The following DTL variants were observed in gnomAD, a reference collection of about 807,000 sequenced individuals.
The protein encoded by DTL is denticleless E3 ubiquitin protein ligase adapter, also known as denticleless protein homolog.
DTL carries 46 observed loss-of-function variants against 87.0 expected under a neutral mutation model. The observed-to-expected ratio is 0.53, with a 90% CI of 0.42 to 0.68. DTL has a LOEUF of 0.68. Ranked by LOEUF, DTL falls within the 30% of genes least tolerant of loss-of-function variation. The pLI is 0.00. For missense variants in DTL, 737 were observed against 869.4 expected (o/e 0.85, Z 1.91); for synonymous variants, 308 against 311.2 (o/e 0.99, Z 0.11).
At chr1:212,061,352 C>T (rs1654296899) in intron 5 of DTL, among the ~76,000 whole-genome samples, 1 of 151,884 alleles carries the variant, frequency 6.6e-6, no homozygotes, top group African/African-American at 2.4e-5. Context: ...TGACTAATAA[C>T]CACAGTGAGA....
At chr1:212,047,241 G>C (rs749260131) in intron 4 of DTL, 29 bp downstream of exon 4, 1 of 1,613,910 alleles carries the variant, frequency 6.2e-7, no homozygotes, top group African/African-American at 1.3e-5. Context: ...TTAGGATCTG[G>C]GTAAATACTG....
chr1:212,096,071 T>A (rs768958929), intron 13 of DTL, among the ~76,000 whole-genome samples: 3 of 128,088 alleles, frequency 2.3e-5, no homozygotes, highest in Non-Finnish European at 3.3e-5. Flanking sequence ...TGTTCAGAGT[T>A]CTTATTTCTT....
At chr1:212,102,774 C>G in intron 14 of DTL, 68 bp from the exon 15 acceptor site, 1 of 1,097,434 alleles carries the variant, frequency 9.1e-7, no homozygotes, top group Non-Finnish European at 1.4e-6. Flanking sequence ...TTAAGGTATG[C>G]CTTAGTAATA....
At position 212,046,481 on chromosome 1, in the gene DTL, C is replaced by G. The variant is rs530127100; in HGVS notation, c.278-670C>G. 2.7e-4 allele frequency among the ~76,000 whole-genome samples: 41 copies of G among 152,186 alleles called. 1 individual carries two copies. The South Asian group carries it at 4.8e-3, about 18-fold the overall frequency. On this transcript the variant is annotated intron_variant, in intron 3 of 14. Coordinates refer to ENST00000366991, the MANE Select transcript of DTL (RefSeq NM_016448.4). ...AAGAGGCCCCAGTGTGTGTTGTTCC[C>G]CTCCCTGTGTCCATGTGTTCTCGTT...
At chr1:212,064,318 C>CCCCA (rs1654427557) in intron 6 of DTL, among the ~76,000 whole-genome samples, 1 of 152,128 alleles carries the variant, frequency 6.6e-6, no homozygotes, top group Non-Finnish European at 1.5e-5. Flanking sequence ...CTGACAACAT[C>CCCCA]CTGTGCCTGA....
At chr1:212,046,242 C>T (rs1040229794) in intron 3 of DTL, among the ~76,000 whole-genome samples, 1 of 152,140 alleles carries the variant, frequency 6.6e-6, no homozygotes, top group Non-Finnish European at 1.5e-5. Context: ...TCTCTTTGCT[C>T]ATGCCAAAGG....
Position 212,100,612 on chromosome 1 carries a change from C to T in DTL, c.1622C>T (p.Ala541Val). The T allele has an allele frequency of 1.9e-6, 3 of 1,613,946 alleles. No homozygotes were observed. Among genetic ancestry groups the T allele is most frequent in the Non-Finnish European group, 2.5e-6 (3 of 1,179,990 alleles). ...LIPVSQKSSQ[A>V]EACSESRNRV... The stretch of plus-strand genomic sequence containing the variant: ...CCTGTGAGCCAGAAGTCATCCCAAG[C>T]AGAGGCTTGCTCTGAGTCTAGAAAT... The change falls in exon 14 of 15, where the codon GCA becomes GTA. Residue 541 changes from alanine to valine, a missense_variant. By Grantham distance (64) the Ala-to-Val change is moderately conservative. Coordinates refer to ENST00000366991, the MANE Select transcript of DTL (RefSeq NM_016448.4).
At chr1:212,079,732 TAGA>T (rs1654936785) in intron 12 of DTL, among the ~76,000 whole-genome samples, 2 of 152,182 alleles carry the variant, frequency 1.3e-5, no homozygotes, top group African/African-American at 2.4e-5. Flanking sequence ...TAATAAACTA[TAGA>T]AGAACTGTGA....
At chr1:212,062,858 TTAA>T (rs1436104364) in intron 5 of DTL, 23 bp from the exon 6 acceptor site, 1 of 1,601,660 alleles carries the variant, frequency 6.2e-7, no homozygotes, top group African/African-American at 1.3e-5. Flanking sequence ...TGTTAACCTC[TTAA>T]TAATCTGTTT....
chr1:212,046,690 T>C (rs1571941709), intron 3 of DTL, among the ~76,000 whole-genome samples: 1 of 152,252 alleles, frequency 6.6e-6, no homozygotes, highest in Non-Finnish European at 1.5e-5. Context: ...CAATCTATCA[T>C]TGATGGGCAT....
chr1:212,051,124 G>A (rs1667956986), intron 5 of DTL, among the ~76,000 whole-genome samples: 1 of 151,980 alleles, frequency 6.6e-6, no homozygotes, highest in African/African-American at 2.4e-5. Context: ...TTCTTGGACA[G>A]TTTCATCTGT....
At chr1:212,084,433 G>A (rs1420300021) in intron 13 of DTL, among the ~76,000 whole-genome samples, 4 of 151,918 alleles carry the variant, frequency 2.6e-5, no homozygotes, top group East Asian at 1.9e-4. Context: ...TGATCCACCC[G>A]CCTCAGCCTC....
intron 5 of DTL, among the ~76,000 whole-genome samples, chr1:212,055,634 T>TG (rs1668150448): frequency 6.6e-6 from 1 of 152,162 alleles, no homozygotes. Flanking sequence ...ACTCAGTCGT[T>TG]TAACTGCCTG....
At chr1:212,079,790 T>C (rs192104701) in intron 12 of DTL, among the ~76,000 whole-genome samples, 1,546 of 152,356 alleles carry the variant, frequency 0.01, 10 homozygotes, top group Non-Finnish European at 0.016. Context: ...GTGTATCTTC[T>C]TTTGGCCTCC....
At chr1:212,038,060 C>T (rs542660901) in intron 1 of DTL, among the ~76,000 whole-genome samples, 1 of 152,318 alleles carries the variant, frequency 6.6e-6, no homozygotes, top group African/African-American at 2.4e-5. Flanking sequence ...GACACTATTT[C>T]ATCACAGGAA....
At chr1:212,101,423 G>A (rs898258952) in intron 14 of DTL, among the ~76,000 whole-genome samples, 3 of 152,058 alleles carry the variant, frequency 2.0e-5, no homozygotes, top group Non-Finnish European at 2.9e-5. Flanking sequence ...CCTTCATCAT[G>A]CTCCAGGATA....
intron 1 of DTL, among the ~76,000 whole-genome samples, chr1:212,037,074 G>T (rs921206244): frequency 2.0e-5 from 3 of 151,996 alleles, no homozygotes; most frequent in Non-Finnish European, 2.9e-5. Context: ...TAACTTCTTT[G>T]TCCTCTGTTT....
Position 212,061,009 on chromosome 1 carries a change from A to G in DTL, c.461-1875A>G, listed in dbSNP as rs565296636. ...TAAGGGAATAATATGTAGAATGTAT[A>G]CAAGGAACTCGAACAACTCAACAGT... On this transcript the variant is annotated intron_variant, in intron 5 of 14. Transcript: ENST00000366991. 9.4e-4 allele frequency among the ~76,000 whole-genome samples: 143 copies of G among 152,348 alleles called. 3 individuals are homozygous for G. Among genetic ancestry groups the G allele is most frequent in the African/African-American group, 3.3e-3 (136 of 41,592 alleles).
At chr1:212,088,577 TG>T (rs1371002404) in intron 13 of DTL, among the ~76,000 whole-genome samples, 1 of 152,220 alleles carries the variant, frequency 6.6e-6, no homozygotes, top group Non-Finnish European at 1.5e-5. Flanking sequence ...TTCTTCACAG[TG>T]GAGTTAACAT....
Sources: allele counts gnomAD v4.1 joint callset (sites outside exome capture counted in the v4.1 genomes callset), GRCh38; gene constraint gnomAD v4.1.1; transcripts MANE v1.5; gene names NCBI Gene and HGNC (gene_info 2026-07-23, HGNC 2026-07-21).